FBXO42: variants seen among roughly 807,000 people sequenced by gnomAD.
FBXO42 encodes the protein F-box only protein 42.
In FBXO42, 12 loss-of-function variants were observed where a neutral mutation model predicts 71.7. That is an observed-to-expected ratio of 0.17 (90% CI 0.11 to 0.27). The LOEUF (loss-of-function observed/expected upper bound fraction) is 0.27, where lower values mean the gene tolerates loss of function less well. Among genes scored for constraint, FBXO42 ranks in the 10% least tolerant of loss-of-function variants. The pLI is 1.00. For missense variants in FBXO42, 707 were observed against 911.9 expected (o/e 0.78, Z 2.89); for synonymous variants, 325 against 327.5 (o/e 0.99, Z 0.08).
At chr1:16,292,718 CAAGA>C (rs1176774315) in intron 4 of FBXO42, 1 of 152,098 alleles carries the variant, frequency 6.6e-6, no homozygotes, top group Non-Finnish European at 1.5e-5. Flanking sequence ...TCCATTTTAA[CAAGA>C]AAGAGCACCA....
intron 4 of FBXO42, among the ~76,000 whole-genome samples, chr1:16,287,097 CAT>C (rs1358384979): frequency 1.3e-5 from 2 of 152,224 alleles, no homozygotes; most frequent in South Asian, 2.1e-4. Context: ...GAAAGCCACA[CAT>C]ATGTGATACA....
intron 1 of FBXO42, among the ~76,000 whole-genome samples, chr1:16,328,179 A>T (rs10465914): frequency 0.35 from 53,350 of 151,746 alleles, 10,509 homozygotes; most frequent in East Asian, 0.67. Flanking sequence ...GTAAATTTTT[A>T]AAAAAAACCA....
intron 4 of FBXO42, among the ~76,000 whole-genome samples, chr1:16,273,798 G>A (rs991611014): frequency 2.2e-4 from 33 of 152,048 alleles, no homozygotes; most frequent in African/African-American, 8.0e-4. Context: ...AGGATCACTT[G>A]AGCCCAAGAG....
At chr1:16,311,527 T>TATAC (rs1388822394) in intron 2 of FBXO42, among the ~76,000 whole-genome samples, 88 of 138,444 alleles carry the variant, frequency 6.4e-4, no homozygotes, top group Middle Eastern at 3.8e-3. Context: ...TATATATATA[T>TATAC]ACATATGTAT....
intron 4 of FBXO42, among the ~76,000 whole-genome samples, chr1:16,274,232 A>G (rs1557578876): frequency 6.6e-6 from 1 of 151,868 alleles, no homozygotes; most frequent in Non-Finnish European, 1.5e-5. Flanking sequence ...CTTGAGCCCA[A>G]GAGCTGGAGC....
At chr1:16,277,856 C>G (rs1330244702) in intron 4 of FBXO42, among the ~76,000 whole-genome samples, 1 of 150,312 alleles carries the variant, frequency 6.7e-6, no homozygotes, top group African/African-American at 2.5e-5. Flanking sequence ...GCCTGGGCAA[C>G]AGGGCAAGAC....
chr1:16,318,753 A>G (rs2082391077), intron 1 of FBXO42, among the ~76,000 whole-genome samples: 1 of 152,182 alleles, frequency 6.6e-6, no homozygotes, highest in Non-Finnish European at 1.5e-5. Flanking sequence ...AAGCAGCAGG[A>G]TTGGGCAAGA....
chr1:16,344,676 A>G (rs189890660), intron 1 of FBXO42, among the ~76,000 whole-genome samples: 1 of 152,306 alleles, frequency 6.6e-6, no homozygotes, highest in East Asian at 1.9e-4. Flanking sequence ...TACATAGGAT[A>G]AAGCAAATAA....
chr1:16,327,236 G>A (rs2082459484), intron 1 of FBXO42, among the ~76,000 whole-genome samples: 1 of 152,148 alleles, frequency 6.6e-6, no homozygotes, highest in African/African-American at 2.4e-5. Flanking sequence ...GTTCAGTGTT[G>A]AAAGACTTCA....
intron 4 of FBXO42, among the ~76,000 whole-genome samples, chr1:16,257,210 T>TA (rs1417334964): frequency 6.6e-6 from 1 of 152,158 alleles, no homozygotes; most frequent in African/African-American, 2.4e-5. Context: ...GAAGTATACA[T>TA]AGAGGCTGGA....
In FBXO42 at chr1:16,318,835, T is replaced by G. The variant is rs371494892; in HGVS notation, c.-17-3400A>C. ...AGAGCTCGGGAGCAAAGACGGCCAC[T>G]CAGGGGAATCTAGTACTGGGCAGAA... On this transcript the variant is annotated intron_variant, in intron 1 of 9. Transcript: ENST00000375592. 2.6e-5 allele frequency among the ~76,000 whole-genome samples: 4 copies of G among 152,150 alleles called. No homozygotes were observed. The East Asian group carries it at 5.8e-4, about 22-fold the overall frequency.
At chr1:16,311,366 T>C (rs1460915661) in intron 2 of FBXO42, among the ~76,000 whole-genome samples, 5 of 150,490 alleles carry the variant, frequency 3.3e-5, no homozygotes, top group Admixed American at 2.7e-4. Context: ...TACACACTTG[T>C]AGTCCCAGCC....
chr1:16,301,409 T>C (rs1334850201), intron 3 of FBXO42, among the ~76,000 whole-genome samples: 2 of 151,888 alleles, frequency 1.3e-5, no homozygotes, highest in African/African-American at 2.4e-5. Context: ...ACACCTGCAA[T>C]CCCAGCACTT....
chr1:16,251,755 C>G lies in FBXO42; in HGVS notation c.1069G>C (p.Ala357Pro). Residue 357 changes from alanine to proline, a missense_variant, in exon 10 of 10, where the codon GCT (alanine) becomes CCT (proline). Transcript: ENST00000375592. The surrounding 1 kb of genome is among the most constrained non-coding windows in gnomAD (Gnocchi z 4.5). ...VGQCVVVFSQ[A>P]PSGRAPLSPS... Reference sequence around the variant, plus strand: ...CTGAGTGGGGCTCTCCCACTAGGAGCCTGGCTGAAGACCACCACACACTGT... The same window carrying G: ...CTGAGTGGGGCTCTCCCACTAGGAGGCTGGCTGAAGACCACCACACACTGT... The G allele has an allele frequency of 1.9e-6, 3 of 1,613,992 alleles. No homozygotes were observed. The highest frequency in any genetic ancestry group is 2.5e-6 in the Non-Finnish European group (3 of 1,179,972).
At chr1:16,286,087 G>T (rs1037978111) in intron 4 of FBXO42, among the ~76,000 whole-genome samples, 1 of 151,664 alleles carries the variant, frequency 6.6e-6, no homozygotes, top group African/African-American at 2.4e-5. Context: ...GGCCAGGCTG[G>T]TCTCAAACCC....
intron 1 of FBXO42, among the ~76,000 whole-genome samples, chr1:16,349,977 C>T (rs1019452714): frequency 3.3e-5 from 5 of 152,314 alleles, no homozygotes; most frequent in African/African-American, 1.2e-4. Flanking sequence ...TCTCATAAAA[C>T]TCAGACGTTT....
At chr1:16,254,870 T>G (rs1414055119) in intron 6 of FBXO42, among the ~76,000 whole-genome samples, 1 of 152,206 alleles carries the variant, frequency 6.6e-6, no homozygotes, top group Non-Finnish European at 1.5e-5. Context: ...CACAGAAATG[T>G]CATGCCTGAC....
chr1:16,343,920 T>C (rs549949802), intron 1 of FBXO42, among the ~76,000 whole-genome samples: 13 of 150,982 alleles, frequency 8.6e-5, no homozygotes, highest in South Asian at 8.4e-4. Flanking sequence ...TGGGGCTGCA[T>C]TGAGCCATAA....
intron 1 of FBXO42, among the ~76,000 whole-genome samples, chr1:16,323,967 A>G (rs567734436): frequency 1.3e-5 from 2 of 152,256 alleles, no homozygotes; most frequent in African/African-American, 4.8e-5. Flanking sequence ...TTATGAACTC[A>G]TAAAGTGAAC....
Sources: gnomAD v4.1 joint callset for allele counts (sites outside exome capture counted in the v4.1 genomes callset) on GRCh38, gnomAD v4.1.1 for gene constraint, Gnocchi (gnomAD v3.1) non-coding constraint, MANE v1.5 for transcripts, NCBI Gene and HGNC (gene_info 2026-07-23, HGNC 2026-07-21) for gene names.